STAU1: variants seen among roughly 807,000 people sequenced by gnomAD.
STAU1 encodes the protein staufen double-stranded RNA binding protein 1, also known as double-stranded RNA-binding protein Staufen homolog 1.
In STAU1, 13 loss-of-function variants were observed where a neutral mutation model predicts 62.9. That is an observed-to-expected ratio of 0.21 (90% confidence interval 0.13 to 0.33). STAU1 has a LOEUF of 0.33. Ranked by LOEUF, STAU1 falls within the 10% of genes least tolerant of loss-of-function variation. The pLI is 1.00. For synonymous variants in STAU1, 269 were observed against 265.1 expected (o/e 1.01, Z -0.14); for missense variants, 571 against 712.1 (o/e 0.80, Z 2.25).
chr20:49,125,136 T>C (rs1362597424), intron 6 of STAU1, among the ~76,000 whole-genome samples: 2 of 41,392 alleles, frequency 4.8e-5, no homozygotes, highest in South Asian at 6.2e-4. Context: ...TTAAGAAAAA[T>C]AGGATTTTAT....
At chr20:49,123,411 T>TTGTTCTAGGTGATTTTAAGGTCTTAGC (rs1568827234) in intron 7 of STAU1, among the ~76,000 whole-genome samples, 176 bp from the exon 8 acceptor site, 2 of 152,232 alleles carry the variant, frequency 1.3e-5, no homozygotes, top group African/African-American at 4.8e-5. Flanking sequence ...TTTTTTATGA[T>TTGTTCTAGGTGATTTTAAGGTCTTAGC]TGTTCTAGGT....
Position 49,117,795 on chromosome 20 carries a change from G to A in STAU1, c.1491C>T (p.Ser497=), listed in dbSNP as rs775524752. 3 of 1,612,186 alleles carry A rather than the reference G, an allele frequency of 1.9e-6. No homozygotes were observed. The African/African-American group carries it at 4.0e-5, about 22-fold the overall frequency. ...TRPSEQLDYL[S]RVQGFQVEYK... ...CAGTTACCTGGAATCCCTGGACTCTGGAAAGATAGTCCAGTTGCTCAGAGG... is the reference window on the plus strand; with the variant it reads ...CAGTTACCTGGAATCCCTGGACTCTAGAAAGATAGTCCAGTTGCTCAGAGG... The change falls in exon 11 of 14, where the codon TCC becomes TCT. Residue 497 remains serine (S), a synonymous_variant. Transcript: ENST00000371856. This position sits in a 1 kb window ranked among gnomAD's most constrained non-coding sequence, Gnocchi z 4.6.
At chr20:49,191,053 A>C (rs2093830621), upstream of STAU1, among the ~76,000 whole-genome samples, 1 of 150,332 alleles carries the variant, frequency 6.7e-6, no homozygotes, top group Admixed American at 6.6e-5. Context: ...TTTGAGACAG[A>C]GTCTCCCTCA....
intron 5 of STAU1, among the ~76,000 whole-genome samples, chr20:49,136,195 G>A (rs1325098688): frequency 1.3e-5 from 2 of 152,190 alleles, no homozygotes; most frequent in Non-Finnish European, 2.9e-5. Context: ...CAACTACTTG[G>A]AGGGCTGAGG....
At chr20:49,141,214 T>C (rs1439732590) in intron 5 of STAU1, among the ~76,000 whole-genome samples, 1 of 152,172 alleles carries the variant, frequency 6.6e-6, no homozygotes, top group Non-Finnish European at 1.5e-5. Flanking sequence ...GTACAGATAA[T>C]AACATAACAG....
At chr20:49,140,406 C>G (rs1681408249) in intron 5 of STAU1, among the ~76,000 whole-genome samples, 1 of 151,972 alleles carries the variant, frequency 6.6e-6, no homozygotes, top group South Asian at 2.1e-4. Context: ...AAAAACAACC[C>G]AAATGTCCAT....
At chr20:49,141,900 C>A (rs2093015557) in intron 5 of STAU1, among the ~76,000 whole-genome samples, 1 of 151,972 alleles carries the variant, frequency 6.6e-6, no homozygotes, top group Non-Finnish European at 1.5e-5. Flanking sequence ...AACTCATATA[C>A]CTCATTCTCA....
chr20:49,158,388 T>C lies in STAU1; in HGVS notation c.206-4317A>G, dbSNP rs778459546. ...TTTACAAGGGAAACCTGGATTTCAG[T>C]ATGTCTAGGTCATTTAAATTTGGTG... On this transcript the variant is annotated intron_variant, in intron 3 of 13. Transcript: ENST00000371856. The C allele has an allele frequency of 3.4e-5, 41 of 1,211,958 alleles. 1 individual carries two copies. The African/African-American group carries it at 6.3e-4, about 19-fold the overall frequency. The allele number at this position is 1,211,958 out of a possible 1,614,324, so 75.1% of individuals were successfully genotyped here. A position where few individuals can be genotyped will look rare whatever the true frequency, so the allele number is the denominator to read the frequency against.
At chr20:49,147,532 G>A (rs764155670) in intron 5 of STAU1, among the ~76,000 whole-genome samples, 1 of 152,238 alleles carries the variant, frequency 6.6e-6, no homozygotes, top group Admixed American at 6.5e-5. Context: ...TGGCCTGTCA[G>A]CAGGTTGTAA....
intron 12 of STAU1, among the ~76,000 whole-genome samples, chr20:49,116,127 T>TAC (rs1234219070): frequency 6.6e-6 from 1 of 152,236 alleles, no homozygotes; most frequent in African/African-American, 2.4e-5. Flanking sequence ...AACCAGACTG[T>TAC]ATAAATGTTA....
chr20:49,188,358 G>C, upstream of STAU1: 1 of 152,070 alleles, frequency 6.6e-6, no homozygotes, highest in Admixed American at 6.6e-5. Flanking sequence ...CCCGCAGCCC[G>C]GCAGGAAGTG....
intron 2 of STAU1, among the ~76,000 whole-genome samples, chr20:49,169,868 T>C (rs531194315): frequency 1.2e-3 from 186 of 152,230 alleles, no homozygotes; most frequent in Admixed American, 6.7e-3. Flanking sequence ...AGCACCATAA[T>C]ACAAGCTGCA....
chr20:49,176,356 C>G (rs1171217333), intron 1 of STAU1, among the ~76,000 whole-genome samples: 1 of 152,112 alleles, frequency 6.6e-6, no homozygotes, highest in African/African-American at 2.4e-5. Flanking sequence ...TAGAAGTGAA[C>G]TTTACATTAC....
chr20:49,152,338 G>GTCT (rs1318311281), intron 4 of STAU1, among the ~76,000 whole-genome samples: 1 of 85,540 alleles, frequency 1.2e-5, no homozygotes, highest in Non-Finnish European at 2.3e-5. Context: ...ATCCACTAAT[G>GTCT]TCTTTTTTTT....
In STAU1 at chr20:49,113,760, T is replaced by C. The variant is rs1368227878; in HGVS notation, c.*1118A>G. 6.6e-6 allele frequency: 1 copy of C among 152,634 alleles called. No individual in the cohort carries two copies. The highest frequency in any genetic ancestry group is 1.9e-4 in the East Asian group (1 of 5,202). 9.5% of individuals were successfully genotyped at this position (152,634 alleles called of 1,614,324 possible). ...TCATTCTTTTCAGCCCTAATGGAGA[T>C]GTAATTAACAGTATCGAGCACTCTG... is the stretch of plus-strand genomic sequence containing the variant. On this transcript the variant is annotated 3_prime_UTR_variant, in exon 14 of 14. Coordinates refer to ENST00000371856, the MANE Select transcript of STAU1 (RefSeq NM_017453.4).
intron 3 of STAU1, chr20:49,158,420 G>C: frequency 7.7e-7 from 1 of 1,304,138 alleles, no homozygotes. Context: ...GGTGCCTTAA[G>C]GGGTGAGGCA....
chr20:49,159,166 CAA>C (rs1177126887), intron 3 of STAU1: 7 of 1,067,202 alleles, frequency 6.6e-6, no homozygotes, highest in African/African-American at 5.1e-5. Flanking sequence ...AAAAAACACA[CAA>C]AGTTATTCTC....
intron 6 of STAU1, among the ~76,000 whole-genome samples, chr20:49,133,186 T>C (rs1283572370): frequency 6.6e-6 from 1 of 151,970 alleles, no homozygotes; most frequent in Non-Finnish European, 1.5e-5. Flanking sequence ...TTAACAAAAG[T>C]GAAGGAGGAA....
chr20:49,189,403 G>A (rs192958041), upstream of STAU1, among the ~76,000 whole-genome samples: 728 of 151,630 alleles, frequency 4.8e-3, no homozygotes, highest in Non-Finnish European at 7.9e-3. Context: ...GGGAGGCCGA[G>A]GTGGGCGGAT....
Sources: allele counts gnomAD v4.1 joint callset (sites outside exome capture counted in the v4.1 genomes callset), GRCh38; gene constraint gnomAD v4.1.1; non-coding constraint Gnocchi (gnomAD v3.1); transcripts MANE v1.5; gene names NCBI Gene and HGNC (gene_info 2026-07-23, HGNC 2026-07-21).